The following SIRPA variants were observed in gnomAD, a reference collection of about 807,000 sequenced individuals.
SIRPA encodes tyrosine-protein phosphatase non-receptor type substrate 1.
SIRPA carries 9 observed loss-of-function variants against 50.3 expected under a neutral mutation model. The ratio of observed to expected loss-of-function variants is 0.18; its 90% CI spans 0.11 to 0.31. The LOEUF (loss-of-function observed/expected upper bound fraction) is 0.31, where lower values mean the gene tolerates loss of function less well. Among genes scored for constraint, SIRPA ranks in the 10% least tolerant of loss-of-function variants. The pLI is 1.00. For missense variants in SIRPA, 474 were observed against 661.6 expected, an observed-to-expected ratio of 0.72 and a Z score of 3.11; for synonymous variants, 265 against 284.1, an observed-to-expected ratio of 0.93 and a Z score of 0.68.
intron 6 of SIRPA, among the ~76,000 whole-genome samples, chr20:1,929,736 C>A (rs2267909): frequency 0.43 from 65,770 of 151,944 alleles, 14,684 homozygotes; most frequent in East Asian, 0.68. Flanking sequence ...TCACTGCCTT[C>A]TGGGCACATG....
At chr20:1,899,381 C>T (rs992778203) in intron 1 of SIRPA, among the ~76,000 whole-genome samples, 3 of 152,144 alleles carry the variant, frequency 2.0e-5, no homozygotes, top group African/African-American at 7.2e-5. Flanking sequence ...ACGAGCACCC[C>T]AAAGACCCTG....
At chr20:1,915,564 A>G (rs967625892) in intron 2 of SIRPA, 109 bp downstream of exon 2, 5 of 1,267,502 alleles carry the variant, frequency 3.9e-6, no homozygotes, top group Non-Finnish European at 5.6e-6. Context: ...GCTCCTTTCC[A>G]TGAATTGATG....
At chr20:1,914,627 T>C (rs67414469) in intron 1 of SIRPA, among the ~76,000 whole-genome samples, 61,034 of 150,668 alleles carry the variant, frequency 0.41, 12,775 homozygotes, top group East Asian at 0.66. Flanking sequence ...GAACTCAAAC[T>C]ACATTCTCCT....
In SIRPA at chr20:1,940,015, C is replaced by T. The variant is rs1259479586; in HGVS notation, c.*2447C>T. ...AATGGACCCCAGGGTTTGGAAACAA[C>T]CTACAGCATTTGAGCCCCTCACGTA... On this transcript the variant is annotated 3_prime_UTR_variant, in exon 8 of 8. Coordinates refer to ENST00000358771, the MANE Select transcript of SIRPA (RefSeq NM_001040023.2). The T allele has an allele frequency of 6.6e-6, 1 of 152,304 alleles. No homozygotes were observed. The highest frequency in any genetic ancestry group is 1.5e-5 in the Non-Finnish European group (1 of 68,052). The allele number at this position is 152,304 out of a possible 1,614,324, so 9.4% of individuals were successfully genotyped here. A position where few individuals can be genotyped will look rare whatever the true frequency, so the allele number is the denominator to read the frequency against.
At chr20:1,896,938 G>T (rs1983868623) in intron 1 of SIRPA, among the ~76,000 whole-genome samples, 1 of 152,142 alleles carries the variant, frequency 6.6e-6, no homozygotes, top group Non-Finnish European at 1.5e-5. Context: ...CCGAGTTCCT[G>T]CCCTGCCATC....
chr20:1,935,953 A>G (rs1204566425), intron 7 of SIRPA, among the ~76,000 whole-genome samples: 2 of 152,074 alleles, frequency 1.3e-5, no homozygotes, highest in South Asian at 2.1e-4. Context: ...AGTCCAACAC[A>G]CTTTGGTTCT....
In SIRPA at chr20:1,937,602, A is replaced by G; in HGVS notation, c.*34A>G. ...GTGGTTTGCTCTAGCACCCATCTCT[A>G]CGCGCTTTCTTGTCCCACAGGGAGC... On this transcript the variant is annotated 3_prime_UTR_variant, in exon 8 of 8. Transcript: ENST00000358771. This position sits in a 1 kb window ranked among gnomAD's most constrained non-coding sequence, Gnocchi z 8.3. 1 of 1,604,140 alleles carries G rather than the reference A, an allele frequency of 6.2e-7. No individual in the cohort carries two copies.
rs1273821179 is a variant in SIRPA at position 1,924,849 on chromosome 20, C to G, written c.1173C>G (p.Leu391=). 1.2e-6 allele frequency: 2 copies of G among 1,614,060 alleles called. No individual in the cohort carries two copies. Among genetic ancestry groups the G allele is most frequent in the Non-Finnish European group, 1.7e-6 (2 of 1,180,022 alleles). ...TLLVALLMAA[L]YLVRIRQKKA... is the part of the protein sequence containing the mutation. ...TGGTGGCCCTACTGATGGCGGCCCT[C>G]TACCTCGTCCGAATCAGACAGAAGA... The change falls in exon 5 of 8, where the codon CTC becomes CTG. Residue 391 remains leucine (L), a synonymous_variant. Transcript: ENST00000358771. This position sits in a 1 kb window ranked among gnomAD's most constrained non-coding sequence, Gnocchi z 4.5.
Position 1,937,495 on chromosome 20 carries a change from C to A in SIRPA, c.1442C>A (p.Thr481Asn). 3.7e-6 allele frequency: 6 copies of A among 1,614,132 alleles called. No individual in the cohort carries two copies. The highest frequency in any genetic ancestry group is 3.4e-6 in the Non-Finnish European group (4 of 1,180,024). The change falls in exon 8 of 8, where the codon ACC becomes AAC. Residue 481 changes from threonine to asparagine, a missense_variant. This residue lies in a region of SIRPA where 180 missense variants were observed against 206.7 expected (regional missense o/e 0.87). Transcript: ENST00000358771. The surrounding 1 kb of genome is among the most constrained non-coding windows in gnomAD (Gnocchi z 8.3). ...ADLDMVHLNR[T>N]PKQPAPKPEP... is the part of the protein sequence containing the mutation. ...CTGGACATGGTCCACCTCAACCGGA[C>A]CCCCAAGCAGCCGGCCCCCAAGCCT... is the stretch of plus-strand genomic sequence containing the variant.
rs542206422 is a variant in SIRPA, at chr20:1,898,096, T to A, written c.79+2570T>A. Among the ~76,000 whole-genome samples the A allele has an allele frequency of 6.6e-6, 1 of 152,308 alleles. No homozygotes were observed. The highest frequency in any genetic ancestry group is 2.4e-5 in the African/African-American group (1 of 41,578). On this transcript the variant is annotated intron_variant, in intron 1 of 7. Transcript: ENST00000358771. This position sits in a 1 kb window ranked among gnomAD's most constrained non-coding sequence, Gnocchi z 4.3. ...CTCAGATAAACTCCCATTCATTTCT[T>A]CTCTCTGGCCTGGAGGAGGCCAAGC...
At chr20:1,901,478 G>C (rs540222969) in intron 1 of SIRPA, among the ~76,000 whole-genome samples, 1 of 151,934 alleles carries the variant, frequency 6.6e-6, no homozygotes, top group African/African-American at 2.4e-5. Flanking sequence ...GCCTCCTCTC[G>C]TATTTCTATC....
At position 1,928,357 on chromosome 20, in the gene SIRPA, G is replaced by A. The variant is rs1986113554; in HGVS notation, c.1226+458G>A. On this transcript the variant is annotated intron_variant, in intron 6 of 7. Transcript: ENST00000358771. This position sits in a 1 kb window ranked among gnomAD's most constrained non-coding sequence, Gnocchi z 4.9. ...AATCTGTGCCCTCTGCAAGCTCACA[G>A]CCTGGTCAGAGGCTCAGACGGTGAC... Among the ~76,000 whole-genome samples, 1 of 152,204 alleles carries A rather than the reference G, an allele frequency of 6.6e-6. No homozygotes were observed. Among genetic ancestry groups the A allele is most frequent in the African/African-American group, 2.4e-5 (1 of 41,454 alleles).
At chr20:1,907,635 A>T (rs978976056) in intron 1 of SIRPA, among the ~76,000 whole-genome samples, 1 of 151,150 alleles carries the variant, frequency 6.6e-6, no homozygotes, top group Non-Finnish European at 1.5e-5. Context: ...CCATCCCTAA[A>T]CCTCCTCTTG....
At position 1,937,309 on chromosome 20, in the gene SIRPA, C is replaced by A; in HGVS notation, c.1267-11C>A. 6.2e-7 allele frequency: 1 copy of A among 1,608,288 alleles called. No individual in the cohort carries two copies. The highest frequency in any genetic ancestry group is 8.5e-7 in the Non-Finnish European group (1 of 1,175,588). On this transcript the variant is annotated splice_polypyrimidine_tract_variant and intron_variant, in intron 7 of 7. Coordinates refer to ENST00000358771, the MANE Select transcript of SIRPA (RefSeq NM_001040023.2). This position sits in a 1 kb window ranked among gnomAD's most constrained non-coding sequence, Gnocchi z 8.3. ...TTCTCATGACTTTCTCTTTGGGTAT[C>A]TTAAATCCAGGACACAAATGATATC...
chr20:1,895,162 T>G, upstream of SIRPA: 1 of 299,708 alleles, frequency 3.3e-6, no homozygotes, highest in Non-Finnish European at 6.1e-6. Flanking sequence ...TTGGGTCTGT[T>G]TCTCTCTCCT....
upstream of SIRPA, among the ~76,000 whole-genome samples, chr20:1,894,947 G>A (rs865893953): frequency 1.0e-4 from 15 of 146,910 alleles, no homozygotes; most frequent in South Asian, 2.9e-3. This position sits in a 1 kb window ranked among gnomAD's most constrained non-coding sequence, Gnocchi z 4.0. Flanking sequence ...CCCGCGCCGT[G>A]TGGAGCCCGG....
At chr20:1,908,024 A>G (rs994657738) in intron 1 of SIRPA, among the ~76,000 whole-genome samples, 2 of 152,162 alleles carry the variant, frequency 1.3e-5, no homozygotes, top group African/African-American at 4.8e-5. Context: ...AGCACATAGT[A>G]AGTAGGTGCT....
chr20:1,899,823 A>G (rs1423412017), intron 1 of SIRPA, among the ~76,000 whole-genome samples: 3 of 152,216 alleles, frequency 2.0e-5, no homozygotes, highest in African/African-American at 7.2e-5. Flanking sequence ...TAAAAGAGGA[A>G]TGGTATTAAC....
intron 1 of SIRPA, among the ~76,000 whole-genome samples, chr20:1,908,912 T>C (rs999557947): frequency 2.0e-5 from 3 of 152,226 alleles, no homozygotes; most frequent in African/African-American, 7.2e-5. Context: ...TGTTCACATG[T>C]GCTATTGCAA....
Sources: allele counts gnomAD v4.1 joint callset (sites outside exome capture counted in the v4.1 genomes callset), GRCh38; gene constraint gnomAD v4.1.1; regional missense constraint gnomAD v4.1.1; non-coding constraint Gnocchi (gnomAD v3.1); transcripts MANE v1.5; gene names NCBI Gene and HGNC (gene_info 2026-07-23, HGNC 2026-07-21).